SNX29: variants seen among roughly 807,000 people sequenced by gnomAD.
SNX29 encodes the protein sorting nexin-29.
SNX29 carries 78 observed loss-of-function variants against 102.1 expected under a neutral mutation model. The ratio of observed to expected loss-of-function variants is 0.76; its 90% CI spans 0.64 to 0.92. SNX29 has a LOEUF of 0.92. Among genes scored for constraint, SNX29 ranks in the 40% least tolerant of loss-of-function variants. SNX29 has a pLI of 0.00. For synonymous variants in SNX29, 580 were observed against 414.5 expected, an observed-to-expected ratio of 1.40 and a Z score of -4.85; for missense variants, 1,280 against 1,061.7, an observed-to-expected ratio of 1.21 and a Z score of -2.86.
At chr16:12,177,249 G>T (rs916268561) in intron 13 of SNX29, among the ~76,000 whole-genome samples, 1 of 152,174 alleles carries the variant, frequency 6.6e-6, no homozygotes, top group Non-Finnish European at 1.5e-5. Context: ...ACCATGCCTG[G>T]CTGAGTTCAG....
chr16:12,089,618 G>A, intron 11 of SNX29: 1 of 184,934 alleles, frequency 5.4e-6, no homozygotes, highest in Non-Finnish European at 1.2e-5. Context: ...GCCTGTTTTG[G>A]TGGCGGGTGG....
At chr16:12,046,874 C>G (rs1319631687) in intron 6 of SNX29, among the ~76,000 whole-genome samples, 2 of 152,212 alleles carry the variant, frequency 1.3e-5, no homozygotes, top group Non-Finnish European at 2.9e-5. Flanking sequence ...CCGCCTTGGC[C>G]TCCCAAAGCA....
chr16:12,013,675 C>T (rs865962335), intron 3 of SNX29, among the ~76,000 whole-genome samples: 32 of 150,030 alleles, frequency 2.1e-4, no homozygotes, highest in Admixed American at 6.0e-4. Flanking sequence ...GATGGAGTCC[C>T]GCTGTGTTGC....
At chr16:12,304,087 G>T (rs1385179676) in intron 15 of SNX29, among the ~76,000 whole-genome samples, 1 of 152,176 alleles carries the variant, frequency 6.6e-6, no homozygotes, top group East Asian at 1.9e-4. Flanking sequence ...ATTTCTACCT[G>T]AGAGAAATTT....
chr16:12,026,974 C>T (rs564568921), intron 3 of SNX29, among the ~76,000 whole-genome samples: 35 of 152,210 alleles, frequency 2.3e-4, no homozygotes, highest in African/African-American at 7.9e-4. Flanking sequence ...AACATCCAAC[C>T]GCTCCCCACA....
intron 11 of SNX29, among the ~76,000 whole-genome samples, chr16:12,080,870 GATGGGGTTTCGCC>G (rs1265991642): frequency 6.6e-6 from 1 of 151,650 alleles, no homozygotes; most frequent in Non-Finnish European, 1.5e-5. Context: ...TTTTAGTAGA[GATGGGGTTTCGCC>G]ATGTTGGCCG....
At chr16:12,542,557 C>T (rs1158083712) in intron 20 of SNX29, among the ~76,000 whole-genome samples, 3 of 152,184 alleles carry the variant, frequency 2.0e-5, no homozygotes, top group African/African-American at 4.8e-5. Flanking sequence ...ATCTTGAACT[C>T]CTGACCTCAA....
intron 16 of SNX29, among the ~76,000 whole-genome samples, chr16:12,390,102 G>C (rs1381399349): frequency 1.3e-5 from 2 of 152,084 alleles, no homozygotes; most frequent in Non-Finnish European, 2.9e-5. Flanking sequence ...TTGATATAAA[G>C]AGGATGGCAG....
chr16:12,563,428 G>A (rs577295292), intron 20 of SNX29, among the ~76,000 whole-genome samples: 5 of 152,204 alleles, frequency 3.3e-5, no homozygotes, highest in Admixed American at 6.5e-5. Context: ...GTTCCTTGCG[G>A]TATGTCCTTT....
At chr16:11,982,261 C>G (rs984760649) in intron 1 of SNX29, among the ~76,000 whole-genome samples, 2 of 152,076 alleles carry the variant, frequency 1.3e-5, no homozygotes, top group African/African-American at 2.4e-5. Flanking sequence ...GATAGGAATA[C>G]TTGATTGCCC....
At chr16:12,407,456 C>G (rs189340520) in intron 18 of SNX29, among the ~76,000 whole-genome samples, 2 of 152,082 alleles carry the variant, frequency 1.3e-5, no homozygotes, top group Admixed American at 1.3e-4. Context: ...GGAAATGAGT[C>G]AGCTTAAAGA....
At chr16:12,415,910 A>G (rs954750115) in intron 18 of SNX29, among the ~76,000 whole-genome samples, 2 of 152,114 alleles carry the variant, frequency 1.3e-5, no homozygotes, top group African/African-American at 4.8e-5. Flanking sequence ...TGGGGAGATC[A>G]TCTTGTCGGG....
intron 4 of SNX29, among the ~76,000 whole-genome samples, chr16:12,036,898 T>G (rs1433090772): frequency 6.6e-6 from 1 of 152,148 alleles, no homozygotes; most frequent in Admixed American, 6.5e-5. Flanking sequence ...TGAAGGACAT[T>G]TATTTATTGA....
intron 11 of SNX29, among the ~76,000 whole-genome samples, chr16:12,111,090 G>C (rs1329450450): frequency 1.3e-5 from 2 of 152,144 alleles, no homozygotes; most frequent in Non-Finnish European, 2.9e-5. Context: ...GCGATTACAC[G>C]TGTGGGCCAG....
intron 18 of SNX29, among the ~76,000 whole-genome samples, chr16:12,439,426 C>T (rs775849608): frequency 1.3e-5 from 2 of 152,092 alleles, no homozygotes; most frequent in South Asian, 2.1e-4. Flanking sequence ...TACCAGAGAC[C>T]GGGCAATTTA....
chr16:12,531,999 A>G (rs1357523371), intron 20 of SNX29, among the ~76,000 whole-genome samples: 1 of 152,186 alleles, frequency 6.6e-6, no homozygotes, highest in Non-Finnish European at 1.5e-5. Context: ...AGGAATCCAC[A>G]GCGACAGAGG....
chr16:12,271,209 G>C (rs1163751019), intron 14 of SNX29, among the ~76,000 whole-genome samples: 2 of 152,236 alleles, frequency 1.3e-5, no homozygotes, highest in Non-Finnish European at 2.9e-5. Context: ...GTGTGGCTTA[G>C]CCACATGCCT....
chr16:12,418,008 G>T (rs747078813), intron 18 of SNX29, among the ~76,000 whole-genome samples: 1 of 152,098 alleles, frequency 6.6e-6, no homozygotes, highest in African/African-American at 2.4e-5. Flanking sequence ...AGATAAAGCC[G>T]CAGGGCACGT....
At chr16:12,531,074 G>A (rs1312217332) in intron 20 of SNX29, among the ~76,000 whole-genome samples, 1 of 152,206 alleles carries the variant, frequency 6.6e-6, no homozygotes, top group African/African-American at 2.4e-5. Flanking sequence ...CTGGCTTAGA[G>A]GGTATGTGCA....
Sources: allele counts gnomAD v4.1 joint callset (sites outside exome capture counted in the v4.1 genomes callset), GRCh38; gene constraint gnomAD v4.1.1; transcripts MANE v1.5; gene names NCBI Gene and HGNC (gene_info 2026-07-23, HGNC 2026-07-21).